MAGI2: variants seen among roughly 807,000 people sequenced by gnomAD.
MAGI2 encodes membrane associated guanylate kinase, WW and PDZ domain containing 2.
MAGI2 carries 35 observed loss-of-function variants against 133.3 expected under a neutral mutation model. That is an observed-to-expected ratio of 0.26 (90% CI 0.20 to 0.35). The LOEUF is 0.35. Among genes scored for constraint, MAGI2 ranks in the 10% least tolerant of loss-of-function variants. The pLI, the probability that MAGI2 is intolerant of heterozygous loss-of-function variation, is 1.00. For synonymous variants in MAGI2, 729 were observed against 710.6 expected (o/e 1.03, Z -0.41); for missense variants, 1,636 against 1,863.4 (o/e 0.88, Z 2.25).
At chr7:78,519,508 T>C (rs756726652) in intron 4 of MAGI2, among the ~76,000 whole-genome samples, 5 of 152,168 alleles carry the variant, frequency 3.3e-5, no homozygotes, top group Non-Finnish European at 5.9e-5. Context: ...TGTTCTCTAC[T>C]ATCATCAAGC....
chr7:78,095,982 G>A (rs1216397306), intron 20 of MAGI2, among the ~76,000 whole-genome samples: 2 of 152,176 alleles, frequency 1.3e-5, no homozygotes, highest in African/African-American at 4.8e-5. Context: ...TCTAGAAAAT[G>A]GAAAAGTGAC....
intron 1 of MAGI2, among the ~76,000 whole-genome samples, chr7:79,409,143 T>C (rs28691838): frequency 0.24 from 36,405 of 152,042 alleles, 5,551 homozygotes; most frequent in African/African-American, 0.41. Context: ...ATTCATTAGA[T>C]ATACTAAGAG....
At chr7:79,295,740 T>C (rs1836878310) in intron 1 of MAGI2, among the ~76,000 whole-genome samples, 1 of 151,988 alleles carries the variant, frequency 6.6e-6, no homozygotes, top group South Asian at 2.1e-4. Flanking sequence ...CACTCTTGTA[T>C]CCGCAGTGAC....
At chr7:78,514,600 C>A (rs1038254024) in intron 4 of MAGI2, among the ~76,000 whole-genome samples, 10 of 152,152 alleles carry the variant, frequency 6.6e-5, no homozygotes, top group African/African-American at 9.7e-5. Flanking sequence ...ATACACAAAT[C>A]GCAGTCTCTG....
At chr7:78,427,701 T>C (rs1217803100) in intron 6 of MAGI2, among the ~76,000 whole-genome samples, 1 of 151,158 alleles carries the variant, frequency 6.6e-6, no homozygotes, top group East Asian at 1.9e-4. Context: ...TTGAACAACA[T>C]TAAATGAAAG....
intron 12 of MAGI2, among the ~76,000 whole-genome samples, chr7:78,193,560 T>C (rs1044415323): frequency 1.3e-5 from 2 of 152,198 alleles, no homozygotes; most frequent in Non-Finnish European, 1.5e-5. Context: ...TGAAATCTTT[T>C]CAATTTTTTT....
At chr7:78,301,390 T>G (rs868604072) in intron 9 of MAGI2, among the ~76,000 whole-genome samples, 3 of 152,200 alleles carry the variant, frequency 2.0e-5, no homozygotes, top group Non-Finnish European at 4.4e-5. Context: ...CTTAAGACAC[T>G]TGGAGTACAA....
At chr7:78,599,766 T>C (rs1584792694) in intron 3 of MAGI2, among the ~76,000 whole-genome samples, 1 of 152,182 alleles carries the variant, frequency 6.6e-6, no homozygotes, top group East Asian at 1.9e-4. Flanking sequence ...TCTTGAGTCC[T>C]TCCCCAGCAA....
At chr7:78,297,396 T>TCAAC (rs1437399333) in intron 9 of MAGI2, among the ~76,000 whole-genome samples, 3 of 152,020 alleles carry the variant, frequency 2.0e-5, no homozygotes, top group African/African-American at 7.3e-5. Context: ...GCAAACTAGT[T>TCAAC]CAACCATTGT....
chr7:78,436,224 C>G (rs1584106639), intron 6 of MAGI2, among the ~76,000 whole-genome samples: 1 of 151,956 alleles, frequency 6.6e-6, no homozygotes, highest in African/African-American at 2.4e-5. Context: ...GAAATGAGCC[C>G]TTTTTTTGTA....
chr7:78,083,381 AGG>A lies in MAGI2; in HGVS notation c.3568-4298_3568-4297del, dbSNP rs201638758. On this transcript the variant is annotated intron_variant, in intron 20 of 21. Transcript: ENST00000354212. ...TGGTGGGGGGGCGGGGGAGGGAGGGAGGGGGGGAGAGAGAGAGAGAGAGAGAG... is the reference window on the plus strand; with the variant it reads ...TGGTGGGGGGGCGGGGGAGGGAGGGAGGGGGAGAGAGAGAGAGAGAGAGAG... 1.2e-3 allele frequency among the ~76,000 whole-genome samples: 23 copies of A among 19,500 alleles called. 1 individual carries two copies. Among genetic ancestry groups the A allele is most frequent in the African/African-American group, 3.5e-3 (18 of 5,078 alleles). 12.8% of individuals were successfully genotyped at this position (19,500 alleles called of 152,430 possible). A position where few individuals can be genotyped will look rare whatever the true frequency, so the allele number is the denominator to read the frequency against.
intron 3 of MAGI2, among the ~76,000 whole-genome samples, chr7:78,593,642 C>G (rs943151124): frequency 6.6e-6 from 1 of 152,166 alleles, no homozygotes; most frequent in Non-Finnish European, 1.5e-5. Context: ...AAATGACTAA[C>G]TCTTATTTGT....
At chr7:78,140,948 G>T (rs1253744410) in intron 16 of MAGI2, among the ~76,000 whole-genome samples, 1 of 152,188 alleles carries the variant, frequency 6.6e-6, no homozygotes, top group East Asian at 1.9e-4. Context: ...AATATAACGT[G>T]CAGCAAAAGT....
intron 1 of MAGI2, among the ~76,000 whole-genome samples, chr7:79,067,145 C>G (rs905317801): frequency 1.3e-5 from 2 of 152,038 alleles, no homozygotes; most frequent in African/African-American, 2.4e-5. Flanking sequence ...TTCTGTGAAG[C>G]AAGTCAATGA....
At chr7:79,347,486 A>G (rs1424570102) in intron 1 of MAGI2, among the ~76,000 whole-genome samples, 2 of 151,392 alleles carry the variant, frequency 1.3e-5, no homozygotes, top group African/African-American at 4.9e-5. Flanking sequence ...GCACAGCTTC[A>G]TTGACATTGA....
chr7:78,088,223 C>T (rs3807744), intron 20 of MAGI2, among the ~76,000 whole-genome samples: 5 of 152,194 alleles, frequency 3.3e-5, no homozygotes, highest in South Asian at 4.1e-4. Context: ...GATAAGCATT[C>T]GGCTTTGTGC....
intron 6 of MAGI2, among the ~76,000 whole-genome samples, chr7:78,422,580 CAAAAAAA>C (rs11441295): frequency 8.9e-6 from 1 of 112,886 alleles, no homozygotes; most frequent in Non-Finnish European, 2.0e-5. Context: ...TGTGTAAAGG[CAAAAAAA>C]AAAAAAAAAT....
At chr7:79,144,553 C>T (rs116651002) in intron 1 of MAGI2, among the ~76,000 whole-genome samples, 3,148 of 152,204 alleles carry the variant, frequency 0.021, 105 homozygotes, top group African/African-American at 0.072. Context: ...AATTGTGAGT[C>T]GATTAAACCT....
chr7:79,087,628 G>T (rs527509761), intron 1 of MAGI2, among the ~76,000 whole-genome samples: 3 of 152,114 alleles, frequency 2.0e-5, no homozygotes, highest in African/African-American at 7.2e-5. Context: ...TATGGTTTTA[G>T]GTCCTACGTT....
Sources: allele counts gnomAD v4.1 joint callset (sites outside exome capture counted in the v4.1 genomes callset), GRCh38; gene constraint gnomAD v4.1.1; transcripts MANE v1.5; gene names NCBI Gene and HGNC (gene_info 2026-07-23, HGNC 2026-07-21).